EXOC3L4: variants seen among roughly 807,000 people sequenced by gnomAD.
EXOC3L4 encodes the protein exocyst complex component 3-like protein 4.
A neutral mutation model predicts 69.7 loss-of-function variants in EXOC3L4; 62 were observed. That is an observed-to-expected ratio of 0.89 (90% CI 0.72 to 1.10). The LOEUF is 1.10. Ranked by LOEUF, EXOC3L4 falls within the 50% of genes least tolerant of loss-of-function variation. EXOC3L4 has a pLI of 0.00. For missense variants in EXOC3L4, 1,087 were observed against 1,034.8 expected (o/e 1.05, Z -0.69); for synonymous variants, 502 against 464.2 (o/e 1.08, Z -1.05).
Position 103,110,284 on chromosome 14 carries a change from C to A in EXOC3L4, c.*61C>A. On this transcript the variant is annotated 3_prime_UTR_variant, in exon 12 of 12. Coordinates refer to ENST00000688303, the MANE Select transcript of EXOC3L4 (RefSeq NM_001077594.2). ...GGGAGCTGTGGTCAGTGGGGGTCAG[C>A]CAGGAGCCCAGGGAGTCACTCTGGG... The A allele has an allele frequency of 6.7e-7, 1 of 1,486,296 alleles. No individual in the cohort carries two copies. The highest frequency in any genetic ancestry group is 1.3e-5 in the South Asian group (1 of 78,592). The allele number at this position is 1,486,296 out of a possible 1,614,324, so 92.1% of individuals were successfully genotyped here.
At chr14:103,106,654 ACAG>A (rs761630290) in intron 7 of EXOC3L4, 128 bp from the exon 8 acceptor site, 4 of 591,984 alleles carry the variant, frequency 6.8e-6, no homozygotes, top group Non-Finnish European at 1.2e-5. Context: ...CTGCTCGCAG[ACAG>A]CTACAATGGG....
rs537010809 is a variant in EXOC3L4, at chr14:103,102,732, C to T, written c.1009C>T (p.Leu337Phe). The T allele has an allele frequency of 1.4e-6, 2 of 1,429,136 alleles. No individual in the cohort carries two copies. The highest frequency in any genetic ancestry group is 1.5e-5 in the African/African-American group (1 of 67,154). 88.5% of individuals were successfully genotyped at this position (1,429,136 alleles called of 1,614,324 possible). The change falls in exon 3 of 12, where the codon CTC (leucine) becomes TTC (phenylalanine). Residue 337 changes from leucine (L) to phenylalanine (F), a missense_variant. Coordinates refer to ENST00000688303, the MANE Select transcript of EXOC3L4 (RefSeq NM_001077594.2). ...GCGCGACGCCCGCGGCTGCGAGCAG[C>T]TCTATATCCTGCTGGACTGGGCCGC... ...LARDARGCEQ[L>F]YILLDWAANV...
intron 11 of EXOC3L4, 99 bp from the exon 12 acceptor site, chr14:103,109,932 G>A (rs1890827636): frequency 2.4e-6 from 3 of 1,262,364 alleles, no homozygotes; most frequent in Middle Eastern, 2.2e-4. Flanking sequence ...AATGCAGAGT[G>A]ACTCATACTA....
In EXOC3L4 at chr14:103,110,525, A is replaced by G. The variant is rs1308798148; in HGVS notation, c.*302A>G. The G allele has an allele frequency of 2.0e-6, 1 of 494,916 alleles. No homozygotes were observed. Among genetic ancestry groups the G allele is most frequent in the East Asian group, 4.4e-5 (1 of 22,742 alleles). 30.7% of individuals were successfully genotyped at this position (494,916 alleles called of 1,614,324 possible). A position where few individuals can be genotyped will look rare whatever the true frequency, so the allele number is the denominator to read the frequency against. On this transcript the variant is annotated 3_prime_UTR_variant, in exon 12 of 12. Transcript: ENST00000688303. The stretch of plus-strand genomic sequence containing the variant: ...ACCCTCCAGTCTGAAAGTGAAGAGC[A>G]GAGTATTTATTTAAAAAATAAATGT...
At position 103,103,956 on chromosome 14, in the gene EXOC3L4, C is replaced by T. The variant is rs1890373469; in HGVS notation, c.1065C>T (p.Gly355=). ...TGTCTTCCAGTCCTGACTTCCTGGG[C>T]GCCCCGGGGCTGGCGCTGCCCGCCG... ...ANVYGSPDFL[G]APGLALPAEP... is the part of the protein sequence containing the mutation. Residue 355 remains glycine (G), a synonymous_variant, in exon 4 of 12, where the codon GGC becomes GGT. Coordinates refer to ENST00000688303, the MANE Select transcript of EXOC3L4 (RefSeq NM_001077594.2). 1 of 1,544,444 alleles carries T rather than the reference C, an allele frequency of 6.5e-7. No homozygotes were observed. Among genetic ancestry groups the T allele is most frequent in the Non-Finnish European group, 8.7e-7 (1 of 1,150,554 alleles).
At chr14:103,107,138 G>T (rs746969750) in intron 8 of EXOC3L4, among the ~76,000 whole-genome samples, 1 of 152,186 alleles carries the variant, frequency 6.6e-6, no homozygotes, top group Non-Finnish European at 1.5e-5. Context: ...GCCTGGGATG[G>T]TGGGTCCACG....
In EXOC3L4 at chr14:103,104,381, G is replaced by T; in HGVS notation, c.1276G>T (p.Val426Phe). 1 of 1,575,472 alleles carries T rather than the reference G, an allele frequency of 6.3e-7. No individual in the cohort carries two copies. The highest frequency in any genetic ancestry group is 8.6e-7 in the Non-Finnish European group (1 of 1,162,228). ...GLYQAPLSMD[V>F]HMLVAEHVKA... ...CTACCAGGCGCCGCTGTCCATGGAC[G>T]TCCATATGGTGCGGCCCGGGAGCAG... Residue 426 changes from valine (V) to phenylalanine (F), a missense_variant, in exon 5 of 12, where the codon GTC becomes TTC. Val to Phe is a conservative substitution (Grantham distance 50). Coordinates refer to ENST00000688303, the MANE Select transcript of EXOC3L4 (RefSeq NM_001077594.2).
At chr14:103,101,770 C>G (rs1250877354) in intron 2 of EXOC3L4, among the ~76,000 whole-genome samples, 1 of 152,224 alleles carries the variant, frequency 6.6e-6, no homozygotes, top group African/African-American at 2.4e-5. Flanking sequence ...TGCCTGAGCT[C>G]CGACCCTATT....
chr14:103,108,353 T>C, intron 10 of EXOC3L4, 43 bp from the exon 11 acceptor site: 2 of 1,602,928 alleles, frequency 1.2e-6, no homozygotes, highest in Non-Finnish European at 1.7e-6. Flanking sequence ...GGAGCAGCGG[T>C]GGGGAGAGGG....
intron 2 of EXOC3L4, among the ~76,000 whole-genome samples, chr14:103,101,799 G>A (rs1046588430): frequency 1.3e-5 from 2 of 152,272 alleles, no homozygotes; most frequent in African/African-American, 2.4e-5. Flanking sequence ...AATCAGGGCT[G>A]AGCATGAGGC....
In EXOC3L4 at chr14:103,102,270, T is replaced by C; in HGVS notation, c.547T>C (p.Cys183Arg). 2 of 1,585,890 alleles carry C rather than the reference T, an allele frequency of 1.3e-6. No homozygotes were observed. The highest frequency in any genetic ancestry group is 1.7e-6 in the Non-Finnish European group (2 of 1,168,880). ...CTTCGCGCGGCGCGCTATGGACGTG[T>C]GCCTGCTTTACGACGGGCTGGCAGC... ...TAFARRAMDVCLLYDGLAAEI... is the reference protein window; with the variant it reads ...TAFARRAMDVRLLYDGLAAEI... The change falls in exon 3 of 12, where the codon TGC (cysteine) becomes CGC (arginine). Residue 183 changes from cysteine (C) to arginine (R), a missense_variant. Cys to Arg is a radical substitution (Grantham distance 180). Transcript: ENST00000688303.
In EXOC3L4 at chr14:103,107,504, C is replaced by T. The variant is rs201426341; in HGVS notation, c.1662C>T (p.Phe554=). Residue 554 remains phenylalanine (F), a synonymous_variant, in exon 9 of 12, where the codon TTC becomes TTT. Transcript: ENST00000688303. ...CCCTCATGGACAAGGTGGTGACCTT[C>T]GCCGGTCATCTCCAGCGTGTGGCCC... ...LHPLMDKVVT[F]AGHLQRVARP... 51 of 1,613,754 alleles carry T rather than the reference C, an allele frequency of 3.2e-5. No individual in the cohort carries two copies. Among genetic ancestry groups the T allele is most frequent in the African/African-American group, 1.5e-4 (11 of 75,054 alleles).
intron 1 of EXOC3L4, among the ~76,000 whole-genome samples, chr14:103,096,545 C>T (rs905357140): frequency 6.6e-6 from 1 of 152,056 alleles, no homozygotes; most frequent in African/African-American, 2.4e-5. Context: ...TGCTCTCAGG[C>T]GATAGATGAT....
chr14:103,104,777 G>A lies in EXOC3L4; in HGVS notation c.1324G>A (p.Ala442Thr), dbSNP rs367554801. The change falls in exon 6 of 12, where the codon GCG (alanine) becomes ACG (threonine). Residue 442 changes from alanine (A) to threonine (T), a missense_variant. Physicochemically the swap from Ala to Thr is moderately conservative, Grantham distance 58. Transcript: ENST00000688303. The stretch of plus-strand genomic sequence containing the variant: ...CGTGAAGGCGGCCGGCGCCATCTCC[G>A]CGGAGCTGGAGGCCACCACCCTGCG... ...EHVKAAGAIS[A>T]ELEATTLRIC... The A allele has an allele frequency of 2.8e-5, 43 of 1,525,756 alleles. No individual in the cohort carries two copies. The highest frequency in any genetic ancestry group is 3.2e-5 in the Non-Finnish European group (36 of 1,134,282). The allele number at this position is 1,525,756 out of a possible 1,614,324, so 94.5% of individuals were successfully genotyped here.
At position 103,102,592 on chromosome 14, in the gene EXOC3L4, T is replaced by TGCAGAAGGTGCG. The variant is rs1890265077; in HGVS notation, c.874_885dup (p.Lys292_Gln295dup). 1 of 1,481,176 alleles carries TGCAGAAGGTGCG rather than the reference T, an allele frequency of 6.8e-7. No homozygotes were observed. Among genetic ancestry groups the TGCAGAAGGTGCG allele is most frequent in the Non-Finnish European group, 8.9e-7 (1 of 1,119,680 alleles). 91.8% of individuals were successfully genotyped at this position (1,481,176 alleles called of 1,614,324 possible). ...CTGGGTGGCTTGGTTCGCCGCGACC[T>TGCAGAAGGTGCG]GCAGAAGGTGCGGCAGGAGGTGCAG... On this transcript the variant is annotated inframe_insertion, in exon 3 of 12. Coordinates refer to ENST00000688303, the MANE Select transcript of EXOC3L4 (RefSeq NM_001077594.2).
At position 103,102,621 on chromosome 14, in the gene EXOC3L4, G is replaced by A. The variant is rs762042524; in HGVS notation, c.898G>A (p.Ala300Thr). The part of the protein sequence containing the change: ...LQKVRQEVQP[A>T]YAAAGFPAWE... ...GAAGGTGCGGCAGGAGGTGCAGCCC[G>A]CGTATGCGGCGGCCGGCTTCCCAGC... is the stretch of plus-strand genomic sequence containing the variant. The change falls in exon 3 of 12, where the codon GCG becomes ACG. Residue 300 changes from alanine (A) to threonine (T), a missense_variant. Coordinates refer to ENST00000688303, the MANE Select transcript of EXOC3L4 (RefSeq NM_001077594.2). The A allele has an allele frequency of 7.3e-6, 11 of 1,498,408 alleles. No individual in the cohort carries two copies. Among genetic ancestry groups the A allele is most frequent in the Non-Finnish European group, 9.7e-6 (11 of 1,129,030 alleles). The allele number at this position is 1,498,408 out of a possible 1,614,324, so 92.8% of individuals were successfully genotyped here.
intron 2 of EXOC3L4, 64 bp from the exon 3 acceptor site, chr14:103,102,054 G>C: frequency 1.3e-6 from 2 of 1,497,860 alleles, no homozygotes; most frequent in Non-Finnish European, 1.8e-6. Flanking sequence ...TGGCCTGCAG[G>C]TCTTCGTCCA....
At chr14:103,107,392 C>G in intron 8 of EXOC3L4, 32 bp from the exon 9 acceptor site, 1 of 1,603,590 alleles carries the variant, frequency 6.2e-7, no homozygotes, top group Non-Finnish European at 8.5e-7. Flanking sequence ...GCGTAGTGCA[C>G]ATTTGCAGAC....
chr14:103,098,296 C>T (rs931769004), intron 1 of EXOC3L4, among the ~76,000 whole-genome samples: 4 of 152,032 alleles, frequency 2.6e-5, no homozygotes, highest in South Asian at 2.1e-4. Context: ...TGGGTCTCTC[C>T]GCCGGGAGGG....
Sources: allele counts gnomAD v4.1 joint callset (sites outside exome capture counted in the v4.1 genomes callset), GRCh38; gene constraint gnomAD v4.1.1; transcripts MANE v1.5; gene names NCBI Gene and HGNC (gene_info 2026-07-23, HGNC 2026-07-21).